The following LPAR3 variants were observed in gnomAD, a reference collection of about 807,000 sequenced individuals.
The protein encoded by LPAR3 is lysophosphatidic acid receptor 3, also known as LPA receptor 3.
LPAR3 carries 7 observed loss-of-function variants against 17.8 expected under a neutral mutation model. The ratio of observed to expected loss-of-function variants is 0.39; its 90% confidence interval spans 0.22 to 0.74. LPAR3 has a LOEUF of 0.74. LPAR3 is among the 30% of genes least tolerant of loss of function. LPAR3 has a pLI of 0.40. For missense variants in LPAR3, 391 were observed against 453.4 expected, an observed-to-expected ratio of 0.86 and a Z score of 1.25; for synonymous variants, 179 against 179.9, an observed-to-expected ratio of 0.99 and a Z score of 0.04.
chr1:84,833,396 C>A (rs549419597), intron 2 of LPAR3, among the ~76,000 whole-genome samples: 1 of 152,174 alleles, frequency 6.6e-6, no homozygotes, highest in Non-Finnish European at 1.5e-5. Context: ...ACTCCCTAAG[C>A]CTTGTTTCCT....
chr1:84,868,698 C>T (rs570388456), intron 1 of LPAR3, among the ~76,000 whole-genome samples: 18 of 152,056 alleles, frequency 1.2e-4, no homozygotes, highest in Non-Finnish European at 2.2e-4. Context: ...TGAGAGAACT[C>T]GTGAGACCCT....
intron 1 of LPAR3, among the ~76,000 whole-genome samples, chr1:84,884,195 T>C (rs1660417203): frequency 6.6e-6 from 1 of 152,228 alleles, no homozygotes; most frequent in African/African-American, 2.4e-5. Flanking sequence ...CAGTTTAGAC[T>C]GTGAGGTTCG....
intron 1 of LPAR3, among the ~76,000 whole-genome samples, chr1:84,868,362 G>C (rs746722288): frequency 2.0e-5 from 3 of 152,096 alleles, no homozygotes; most frequent in Non-Finnish European, 4.4e-5. Context: ...CGCCCACCTT[G>C]GCCTCCCAAA....
intron 2 of LPAR3, among the ~76,000 whole-genome samples, chr1:84,857,224 G>A (rs759644114): frequency 1.3e-5 from 2 of 152,134 alleles, no homozygotes; most frequent in Admixed American, 1.3e-4. Context: ...TGAATACAGG[G>A]CATGGCTCTT....
intron 2 of LPAR3, among the ~76,000 whole-genome samples, chr1:84,843,147 G>C (rs9726895): frequency 0.78 from 118,058 of 152,136 alleles, 45,980 homozygotes; most frequent in African/African-American, 0.85. Context: ...CCTGTGGAGG[G>C]TCTGGCCTGC....
At chr1:84,856,398 C>G (rs1209312936) in intron 2 of LPAR3, among the ~76,000 whole-genome samples, 3 of 152,166 alleles carry the variant, frequency 2.0e-5, no homozygotes, top group African/African-American at 7.2e-5. Context: ...TAACTGTTTT[C>G]TTTTTTTCTA....
intron 2 of LPAR3, among the ~76,000 whole-genome samples, chr1:84,849,204 G>A (rs183072693): frequency 2.4e-4 from 37 of 151,892 alleles, no homozygotes; most frequent in Non-Finnish European, 5.3e-4. Flanking sequence ...GTAAAACTCC[G>A]TCTCTACTAA....
chr1:84,868,355 C>A (rs1372992132), intron 1 of LPAR3, among the ~76,000 whole-genome samples: 1 of 152,106 alleles, frequency 6.6e-6, no homozygotes, highest in Non-Finnish European at 1.5e-5. Flanking sequence ...GGTGATCCGC[C>A]CACCTTGGCC....
rs1168514106 is a variant in LPAR3, at chr1:84,865,589, A to G, written c.532T>C (p.Ser178Pro). Reference protein sequence around the residue: ...NCLCNISACSSLAPIYSRSYL... With the variant: ...NCLCNISACSPLAPIYSRSYL... ...CTCCTGCTGTAAATGGGGGCCAGGG[A>G]AGAGCAGGCAGAGATGTTGCAGAGG... The change falls in exon 2 of 3, where the codon TCC (serine) becomes CCC (proline). Residue 178 changes from serine to proline, a missense_variant. Transcript: ENST00000370611. 6.2e-7 allele frequency: 1 copy of G among 1,614,244 alleles called. No homozygotes were observed. Among genetic ancestry groups the G allele is most frequent in the South Asian group, 1.1e-5 (1 of 91,086 alleles).
chr1:84,859,131 AC>A (rs1399898890), intron 2 of LPAR3, among the ~76,000 whole-genome samples: 1 of 152,208 alleles, frequency 6.6e-6, no homozygotes, highest in Non-Finnish European at 1.5e-5. Flanking sequence ...TTTCCATGAG[AC>A]CAAAGAGAAC....
At chr1:84,863,657 C>A (rs1659983277) in intron 2 of LPAR3, among the ~76,000 whole-genome samples, 1 of 152,152 alleles carries the variant, frequency 6.6e-6, no homozygotes, top group Non-Finnish European at 1.5e-5. Flanking sequence ...ACCAGTTTCC[C>A]CCCAGGACTC....
chr1:84,818,707 G>A (rs1191444202), intron 2 of LPAR3, among the ~76,000 whole-genome samples: 2 of 152,146 alleles, frequency 1.3e-5, no homozygotes, highest in Non-Finnish European at 2.9e-5. Flanking sequence ...CCCACCCCAG[G>A]AGCCCTCTCT....
intron 1 of LPAR3, among the ~76,000 whole-genome samples, chr1:84,890,657 C>A (rs1056629837): frequency 6.6e-6 from 1 of 152,198 alleles, no homozygotes; most frequent in Non-Finnish European, 1.5e-5. Flanking sequence ...TGCAAACAGA[C>A]TTAACCACTC....
At chr1:84,847,655 G>T (rs1570879723) in intron 2 of LPAR3, among the ~76,000 whole-genome samples, 1 of 152,072 alleles carries the variant, frequency 6.6e-6, no homozygotes, top group African/African-American at 2.4e-5. Flanking sequence ...CACTACTTGG[G>T]GTCTCCAGGG....
At chr1:84,857,400 G>A (rs1283557083) in intron 2 of LPAR3, among the ~76,000 whole-genome samples, 3 of 152,144 alleles carry the variant, frequency 2.0e-5, no homozygotes, top group African/African-American at 7.2e-5. Context: ...CTAAGGCACA[G>A]ACAGGTGAGA....
intron 2 of LPAR3, among the ~76,000 whole-genome samples, chr1:84,836,694 A>G (rs965322558): frequency 6.6e-6 from 1 of 152,216 alleles, no homozygotes; most frequent in Non-Finnish European, 1.5e-5. Context: ...AGGAAGACCA[A>G]AACAAAACGA....
intron 2 of LPAR3, among the ~76,000 whole-genome samples, chr1:84,855,453 G>A (rs1659798288): frequency 6.6e-6 from 1 of 152,202 alleles, no homozygotes; most frequent in Non-Finnish European, 1.5e-5. Flanking sequence ...GTTGGATGTA[G>A]TTGGGTACTG....
intron 1 of LPAR3, among the ~76,000 whole-genome samples, chr1:84,867,187 C>T (rs753580578): frequency 2.6e-5 from 4 of 152,186 alleles, no homozygotes; most frequent in East Asian, 1.9e-4. Flanking sequence ...AGAAGCCCCA[C>T]GGATGCCCAT....
At chr1:84,874,753 G>C (rs1274278408) in intron 1 of LPAR3, among the ~76,000 whole-genome samples, 1 of 152,040 alleles carries the variant, frequency 6.6e-6, no homozygotes, top group Non-Finnish European at 1.5e-5. Flanking sequence ...GACAGAAAAA[G>C]TAAAAGATGC....
Sources: gnomAD v4.1 joint callset for allele counts (sites outside exome capture counted in the v4.1 genomes callset) on GRCh38, gnomAD v4.1.1 for gene constraint, MANE v1.5 for transcripts, NCBI Gene and HGNC (gene_info 2026-07-23, HGNC 2026-07-21) for gene names.